Variants in EPHA6 observed in about 807,000 individuals in gnomAD.
EPHA6 encodes the protein EPH receptor A6, also known as ephrin type-A receptor 6.
EPHA6 carries 50 observed loss-of-function variants against 112.0 expected under a neutral mutation model. That is an observed-to-expected ratio of 0.45 (90% CI 0.36 to 0.56). The LOEUF (loss-of-function observed/expected upper bound fraction) is 0.56, where lower values mean the gene tolerates loss of function less well. Among genes scored for constraint, EPHA6 ranks in the 20% least tolerant of loss-of-function variants. The pLI is 0.00. For synonymous variants in EPHA6, 529 were observed against 490.7 expected (o/e 1.08, Z -1.03); for missense variants, 1,280 against 1,417.4 (o/e 0.90, Z 1.56).
chr3:97,622,256 C>G (rs751117151), intron 13 of EPHA6, among the ~76,000 whole-genome samples: 1 of 151,770 alleles, frequency 6.6e-6, no homozygotes, highest in Non-Finnish European at 1.5e-5. Context: ...CCCCACTTCT[C>G]CCTTCCCCCA....
intron 2 of EPHA6, among the ~76,000 whole-genome samples, chr3:96,879,299 A>G (rs2037162074): frequency 1.3e-5 from 2 of 152,222 alleles, no homozygotes; most frequent in Admixed American, 1.3e-4. Context: ...ATTTATTTCT[A>G]TCTACCATAA....
At chr3:97,078,681 G>A (rs986142666) in intron 3 of EPHA6, among the ~76,000 whole-genome samples, 2 of 152,070 alleles carry the variant, frequency 1.3e-5, no homozygotes, top group African/African-American at 4.8e-5. Context: ...TTTTTGTCGG[G>A]TTTGTCAAAT....
intron 6 of EPHA6, among the ~76,000 whole-genome samples, chr3:97,422,965 A>G (rs1028909986): frequency 7.9e-5 from 12 of 152,208 alleles, no homozygotes; most frequent in African/African-American, 2.7e-4. Context: ...ACTTCAAGTT[A>G]AAGACACTCA....
chr3:97,047,333 T>C (rs1016745946), intron 3 of EPHA6, among the ~76,000 whole-genome samples: 6 of 151,724 alleles, frequency 4.0e-5, no homozygotes, highest in Non-Finnish European at 7.4e-5. Flanking sequence ...ACCCCGTCTC[T>C]ACTAAAAATA....
intron 6 of EPHA6, among the ~76,000 whole-genome samples, chr3:97,430,723 TA>T (rs1232259334): frequency 6.6e-6 from 1 of 152,142 alleles, no homozygotes; most frequent in Non-Finnish European, 1.5e-5. Context: ...AACCACTTTT[TA>T]TAAAGCATTC....
intron 3 of EPHA6, among the ~76,000 whole-genome samples, chr3:97,083,651 T>C (rs2046796478): frequency 6.6e-6 from 1 of 152,000 alleles, no homozygotes; most frequent in Non-Finnish European, 1.5e-5. Flanking sequence ...GTACTTCTTG[T>C]ATTCAGTATT....
intron 2 of EPHA6, among the ~76,000 whole-genome samples, chr3:96,918,945 C>T (rs1233673335): frequency 6.6e-6 from 1 of 151,896 alleles, no homozygotes; most frequent in Non-Finnish European, 1.5e-5. Flanking sequence ...ATATTTTATA[C>T]AGTCGATAGC....
At chr3:97,114,440 A>G (rs1443828958) in intron 3 of EPHA6, among the ~76,000 whole-genome samples, 1 of 152,038 alleles carries the variant, frequency 6.6e-6, no homozygotes, top group Non-Finnish European at 1.5e-5. Flanking sequence ...ATCTCTTCCC[A>G]TGGTTATGCC....
intron 2 of EPHA6, among the ~76,000 whole-genome samples, chr3:96,890,114 C>G (rs1205219797): frequency 1.4e-5 from 2 of 147,956 alleles, no homozygotes; most frequent in Non-Finnish European, 3.0e-5. Context: ...AAACCGAACC[C>G]CCAAAATAAA....
chr3:96,906,922 T>G (rs1052621460), intron 2 of EPHA6, among the ~76,000 whole-genome samples: 1 of 151,896 alleles, frequency 6.6e-6, no homozygotes, highest in African/African-American at 2.4e-5. Flanking sequence ...AAACACTAAT[T>G]TCGAGATAAA....
rs563416065 is a variant in EPHA6, at chr3:96,942,603, G to A, written c.451-44727G>A. 5.3e-5 allele frequency among the ~76,000 whole-genome samples: 8 copies of A among 152,320 alleles called. No homozygotes were observed. The East Asian group carries it at 7.8e-4, about 15-fold the overall frequency. On this transcript the variant is annotated intron_variant, in intron 2 of 17. Transcript: ENST00000389672. ...CCTTGCCCTGCTTAGGCTAGCACAC[G>A]GTGCGCTGCACCCACTGTCCTGCGC... is the stretch of plus-strand genomic sequence containing the variant.
intron 10 of EPHA6, among the ~76,000 whole-genome samples, chr3:97,519,251 A>G (rs760475011): frequency 6.6e-6 from 1 of 152,088 alleles, no homozygotes; most frequent in African/African-American, 2.4e-5. Context: ...ATTGAAGAGG[A>G]TATCTTTTCC....
At chr3:97,470,059 G>T (rs752610673) in intron 7 of EPHA6, among the ~76,000 whole-genome samples, 2 of 151,704 alleles carry the variant, frequency 1.3e-5, no homozygotes, top group African/African-American at 4.8e-5. Flanking sequence ...TCATCTAGAA[G>T]ATATGTTTCC....
At chr3:97,694,454 C>T (rs1204055590) in intron 14 of EPHA6, among the ~76,000 whole-genome samples, 1 of 152,168 alleles carries the variant, frequency 6.6e-6, no homozygotes, top group African/African-American at 2.4e-5. Flanking sequence ...CCAGGCTTGT[C>T]TCAAACTCCT....
At chr3:97,136,442 C>T (rs1280834156) in intron 3 of EPHA6, among the ~76,000 whole-genome samples, 2 of 152,142 alleles carry the variant, frequency 1.3e-5, no homozygotes, top group Non-Finnish European at 2.9e-5. Context: ...TGGGGCTAGG[C>T]ATGGTGGCTC....
At chr3:97,237,280 T>C (rs2078707598) in intron 4 of EPHA6, among the ~76,000 whole-genome samples, 1 of 152,010 alleles carries the variant, frequency 6.6e-6, no homozygotes. Flanking sequence ...TGCTGTATTT[T>C]TAAAATTAAA....
chr3:97,255,351 T>C (rs996657945), intron 5 of EPHA6, among the ~76,000 whole-genome samples: 1 of 152,106 alleles, frequency 6.6e-6, no homozygotes, highest in Non-Finnish European at 1.5e-5. Flanking sequence ...ACAGTAATGG[T>C]TCCTCCAGGG....
intron 3 of EPHA6, among the ~76,000 whole-genome samples, chr3:96,999,881 A>G (rs1258577012): frequency 6.6e-6 from 1 of 151,870 alleles, no homozygotes; most frequent in Non-Finnish European, 1.5e-5. Context: ...GTCATTGAGA[A>G]CAATGACACA....
chr3:97,543,439 G>A (rs2092897112), intron 11 of EPHA6, among the ~76,000 whole-genome samples: 1 of 152,132 alleles, frequency 6.6e-6, no homozygotes, highest in Non-Finnish European at 1.5e-5. Flanking sequence ...GCTCTGTTCT[G>A]TTCCATTGGT....
Sources: gnomAD v4.1 joint callset for allele counts (sites outside exome capture counted in the v4.1 genomes callset) on GRCh38, gnomAD v4.1.1 for gene constraint, MANE v1.5 for transcripts, NCBI Gene and HGNC (gene_info 2026-07-23, HGNC 2026-07-21) for gene names.